The following CNTN4 variants were observed in gnomAD, a reference collection of about 807,000 sequenced individuals.
The protein encoded by CNTN4 is contactin 4, also known as contactin-4.
In CNTN4, 77 loss-of-function variants were observed where a neutral mutation model predicts 122.5. The observed-to-expected ratio is 0.63, with a 90% CI of 0.52 to 0.76. The LOEUF is 0.76. Among genes scored for constraint, CNTN4 ranks in the 30% least tolerant of loss-of-function variants. The probability of loss-of-function intolerance (pLI) is 0.00; values close to 1 mark genes in which losing one functional copy is unlikely to be tolerated. For missense variants in CNTN4, 1,256 were observed against 1,259.1 expected (o/e 1.00, Z 0.04); for synonymous variants, 512 against 447.0 (o/e 1.15, Z -1.83).
chr3:2,117,535 G>A (rs1000288423), intron 2 of CNTN4, among the ~76,000 whole-genome samples: 1 of 152,148 alleles, frequency 6.6e-6, no homozygotes, highest in Non-Finnish European at 1.5e-5. Context: ...GAGGTTGGGG[G>A]AGGGGGCTGA....
intron 8 of CNTN4, among the ~76,000 whole-genome samples, chr3:2,878,791 T>C (rs944153658): frequency 6.6e-6 from 1 of 152,176 alleles, no homozygotes; most frequent in Non-Finnish European, 1.5e-5. Context: ...TAATATGTTT[T>C]GCCATCTAAA....
intron 13 of CNTN4, among the ~76,000 whole-genome samples, chr3:2,981,260 C>T (rs1258670781): frequency 6.6e-6 from 1 of 151,964 alleles, no homozygotes; most frequent in Non-Finnish European, 1.5e-5. Flanking sequence ...CTGGCTAACA[C>T]AGTGAAACCC....
At chr3:2,297,536 C>T (rs927526330) in intron 2 of CNTN4, among the ~76,000 whole-genome samples, 84 of 152,284 alleles carry the variant, frequency 5.5e-4, no homozygotes, top group African/African-American at 1.9e-3. Context: ...CATACATCGT[C>T]TGTCTGATTT....
chr3:2,453,420 A>G (rs569168003), intron 3 of CNTN4, among the ~76,000 whole-genome samples: 49 of 152,286 alleles, frequency 3.2e-4, no homozygotes, highest in African/African-American at 1.2e-3. Flanking sequence ...AGCAGTAATG[A>G]TAGCTGCTTG....
intron 2 of CNTN4, among the ~76,000 whole-genome samples, chr3:2,126,729 C>G (rs967535908): frequency 6.6e-6 from 1 of 152,128 alleles, no homozygotes; most frequent in Admixed American, 6.5e-5. Flanking sequence ...GAAAACTCAT[C>G]AAGTAATATT....
chr3:2,382,977 A>G (rs1210300379), intron 3 of CNTN4, among the ~76,000 whole-genome samples: 3 of 152,008 alleles, frequency 2.0e-5, no homozygotes, highest in African/African-American at 7.2e-5. Context: ...GGGGAGGCTG[A>G]GGCAGGAGAA....
At chr3:2,893,654 C>T (rs866003130) in intron 10 of CNTN4, among the ~76,000 whole-genome samples, 1 of 151,922 alleles carries the variant, frequency 6.6e-6, no homozygotes, top group Non-Finnish European at 1.5e-5. Context: ...TAATAAGAAA[C>T]GTTAAGCCAT....
chr3:2,328,323 G>A (rs1475097339), intron 2 of CNTN4, among the ~76,000 whole-genome samples: 18 of 150,206 alleles, frequency 1.2e-4, no homozygotes, highest in African/African-American at 2.9e-4. Flanking sequence ...GGAGAATGGC[G>A]GGAACCCGGG....
intron 3 of CNTN4, among the ~76,000 whole-genome samples, chr3:2,381,302 G>A (rs1405713007): frequency 6.6e-6 from 1 of 152,062 alleles, no homozygotes; most frequent in Admixed American, 6.5e-5. Context: ...CACTGCGCCT[G>A]GCCTTGTTTT....
Position 3,043,620 on chromosome 3 carries a change from A to G in CNTN4, c.2727A>G (p.Ile909Met). 1 of 1,613,988 alleles carries G rather than the reference A, an allele frequency of 6.2e-7. No individual in the cohort carries two copies. Among genetic ancestry groups the G allele is most frequent in the Non-Finnish European group, 8.5e-7 (1 of 1,179,820 alleles). Residue 909 changes from isoleucine (I) to methionine (M), a missense_variant, in exon 23 of 25, where the codon ATA becomes ATG. Transcript: ENST00000418658. ...PPPSQPPGNI[I>M]WNSSDSKIIL... ...CAAGTCAACCCCCCGGAAACATCATATGGAATTCATCAGACTCCAAAATTA... is the reference window on the plus strand; with the variant it reads ...CAAGTCAACCCCCCGGAAACATCATGTGGAATTCATCAGACTCCAAAATTA...
chr3:2,782,726 G>T (rs2091654452), intron 6 of CNTN4, among the ~76,000 whole-genome samples: 1 of 152,030 alleles, frequency 6.6e-6, no homozygotes, highest in African/African-American at 2.4e-5. Context: ...CATTCCCTGG[G>T]GCTTTCAGGC....
At position 2,415,326 on chromosome 3, in the gene CNTN4, CATCAAACCTGTGCTCTCTGTGTA is replaced by C. The variant is rs548787160; in HGVS notation, c.-89+76095_-89+76117del. Among the ~76,000 whole-genome samples the C allele has an allele frequency of 5.2e-4, 79 of 152,312 alleles. No individual in the cohort carries two copies. The South Asian group carries it at 0.016, about 31-fold the overall frequency. ...AAAGGGCCCCATAATGTTCTTCCCA[CATCAAACCTGTGCTCTCTGTGTA>C]AGAGAACCATAATAGCTACAGCCTC... On this transcript the variant is annotated intron_variant, in intron 3 of 24. Coordinates refer to ENST00000418658, the MANE Select transcript of CNTN4 (RefSeq NM_175607.3).
At chr3:2,658,965 G>GAC (rs67168398) in intron 4 of CNTN4, among the ~76,000 whole-genome samples, 8,169 of 139,574 alleles carry the variant, frequency 0.059, 260 homozygotes, top group East Asian at 0.16. Flanking sequence ...CACACAAACA[G>GAC]ACACACACAC....
chr3:2,364,794 G>A (rs979117404), intron 3 of CNTN4, among the ~76,000 whole-genome samples: 1 of 152,088 alleles, frequency 6.6e-6, no homozygotes, highest in Non-Finnish European at 1.5e-5. Context: ...ACATTCTATT[G>A]TTAAAAAGAG....
rs899831948 is a variant in CNTN4 at position 3,042,611 on chromosome 3, T to C, written c.2511+189T>C. Among the ~76,000 whole-genome samples the C allele has an allele frequency of 3.3e-5, 5 of 152,228 alleles. No homozygotes were observed. The South Asian group carries it at 1.0e-3, about 31-fold the overall frequency. The stretch of plus-strand genomic sequence containing the variant: ...GTGAGACTACCCTTTTTCTATGTTA[T>C]ATTCTAGAGGTATTTTTCGAATTAT... On this transcript the variant is annotated intron_variant, in intron 21 of 24. Coordinates refer to ENST00000418658, the MANE Select transcript of CNTN4 (RefSeq NM_175607.3).
intron 3 of CNTN4, among the ~76,000 whole-genome samples, chr3:2,446,478 G>A (rs1305486316): frequency 6.6e-6 from 1 of 152,114 alleles, no homozygotes; most frequent in Non-Finnish European, 1.5e-5. Flanking sequence ...TTCTTAAAGG[G>A]CTGGCTTTAT....
chr3:2,730,284 C>A (rs1284899683), intron 4 of CNTN4, among the ~76,000 whole-genome samples: 3 of 152,122 alleles, frequency 2.0e-5, no homozygotes, highest in African/African-American at 7.2e-5. Flanking sequence ...TAATTTTGTG[C>A]ATGAAACAAA....
intron 13 of CNTN4, among the ~76,000 whole-genome samples, chr3:2,942,571 T>C (rs905041377): frequency 6.6e-6 from 1 of 152,232 alleles, no homozygotes; most frequent in Non-Finnish European, 1.5e-5. Flanking sequence ...GACACCTTAG[T>C]AAATTAACTT....
At chr3:2,967,240 GC>G (rs1437236125) in intron 13 of CNTN4, among the ~76,000 whole-genome samples, 1 of 152,080 alleles carries the variant, frequency 6.6e-6, no homozygotes, top group Non-Finnish European at 1.5e-5. Context: ...CTGGGTGGGG[GC>G]TGTAAAATCA....
Sources: gnomAD v4.1 joint callset for allele counts (sites outside exome capture counted in the v4.1 genomes callset) on GRCh38, gnomAD v4.1.1 for gene constraint, MANE v1.5 for transcripts, NCBI Gene and HGNC (gene_info 2026-07-23, HGNC 2026-07-21) for gene names.